The following CTNNA2 variants were observed in gnomAD, a reference collection of about 807,000 sequenced individuals.
CTNNA2 encodes catenin alpha 2.
Under a neutral mutation model 101.0 loss-of-function variants are expected in CTNNA2, and 42 were observed. That is an observed-to-expected ratio of 0.42 (90% CI 0.32 to 0.54). The LOEUF (loss-of-function observed/expected upper bound fraction) is 0.54, where lower values mean the gene tolerates loss of function less well. Among genes scored for constraint, CTNNA2 ranks in the 20% least tolerant of loss-of-function variants. The pLI, the probability that CTNNA2 is intolerant of heterozygous loss-of-function variation, is 0.14. For missense variants in CTNNA2, 871 were observed against 1,223.1 expected, an observed-to-expected ratio of 0.71 and a Z score of 4.29; for synonymous variants, 450 against 456.4, an observed-to-expected ratio of 0.99 and a Z score of 0.18.
chr2:80,098,858 C>T (rs1004969263), intron 7 of CTNNA2, among the ~76,000 whole-genome samples: 20 of 152,154 alleles, frequency 1.3e-4, no homozygotes, highest in Non-Finnish European at 2.1e-4. Flanking sequence ...GTTGGAAAAG[C>T]GCAGTATTCG....
intron 4 of CTNNA2, among the ~76,000 whole-genome samples, chr2:79,410,745 ATTGGTCTAAAATTCTCTTTT>A (rs1678400329): frequency 6.7e-6 from 1 of 149,162 alleles, no homozygotes. Flanking sequence ...CATCAAGGAT[ATTGGTCTAAAATTCTCTTTT>A]TTGGTTGTGT....
chr2:80,057,343 A>G (rs560615802), intron 7 of CTNNA2, among the ~76,000 whole-genome samples: 1 of 152,342 alleles, frequency 6.6e-6, no homozygotes, highest in South Asian at 2.1e-4. Flanking sequence ...TAAGAATAGC[A>G]TATAATTTGT....
At chr2:79,359,644 C>T (rs1247034092) in intron 3 of CTNNA2, among the ~76,000 whole-genome samples, 2 of 152,156 alleles carry the variant, frequency 1.3e-5, no homozygotes, top group Non-Finnish European at 1.5e-5. Flanking sequence ...GGAGCAGCTG[C>T]GTAGAGCTAG....
At chr2:79,416,257 C>CTTTTTTTTTTTTTTTTTTTTTTTTTTTTT (rs66830925) in intron 4 of CTNNA2, among the ~76,000 whole-genome samples, 1 of 94,656 alleles carries the variant, frequency 1.1e-5, no homozygotes. Flanking sequence ...CTTTCCTTTT[C>CTTTTTTTTTTTTTTTTTTTTTTTTTTTTT]TTTTTTTTTT....
intron 7 of CTNNA2, among the ~76,000 whole-genome samples, chr2:80,334,432 T>C (rs931102329): frequency 2.6e-5 from 4 of 152,252 alleles, no homozygotes; most frequent in Admixed American, 1.3e-4. Flanking sequence ...GTGGCCATCT[T>C]ACAGTTTCTG....
intron 7 of CTNNA2, among the ~76,000 whole-genome samples, chr2:80,306,174 C>A (rs1387521637): frequency 6.6e-6 from 1 of 152,126 alleles, no homozygotes; most frequent in Non-Finnish European, 1.5e-5. Flanking sequence ...CCTGGTCATT[C>A]ATCTCTGAGA....
chr2:79,719,963 T>C (rs946829250), intron 2 of CTNNA2, among the ~76,000 whole-genome samples: 10 of 152,214 alleles, frequency 6.6e-5, no homozygotes, highest in Non-Finnish European at 1.5e-4. Context: ...AAAAATTCTT[T>C]GCCAAGGCCA....
chr2:79,482,963 G>C (rs1194519941), intron 4 of CTNNA2, among the ~76,000 whole-genome samples: 1 of 152,168 alleles, frequency 6.6e-6, no homozygotes, highest in Non-Finnish European at 1.5e-5. Context: ...TTACAACATA[G>C]AATCATCCAG....
intron 3 of CTNNA2, among the ~76,000 whole-genome samples, chr2:79,831,086 C>T (rs1049372276): frequency 6.6e-6 from 1 of 151,972 alleles, no homozygotes; most frequent in South Asian, 2.1e-4. Flanking sequence ...AAATTACTGT[C>T]ATTTTGATCA....
At chr2:80,240,173 T>C (rs556064977) in intron 7 of CTNNA2, among the ~76,000 whole-genome samples, 38 of 152,116 alleles carry the variant, frequency 2.5e-4, no homozygotes, top group Non-Finnish European at 2.2e-4. Context: ...TTCTGGTTCA[T>C]CCCAATGGAA....
At chr2:80,436,482 C>CA (rs1004636234) in intron 9 of CTNNA2, among the ~76,000 whole-genome samples, 16 of 152,112 alleles carry the variant, frequency 1.1e-4, no homozygotes, top group African/African-American at 3.9e-4. Flanking sequence ...TTTGGGGAAG[C>CA]ATGGGTTCAA....
intron 3 of CTNNA2, among the ~76,000 whole-genome samples, chr2:79,318,604 C>A (rs533417178): frequency 4.6e-5 from 7 of 152,172 alleles, no homozygotes; most frequent in Admixed American, 3.9e-4. Context: ...TACCCTATAT[C>A]CTACAGGAAA....
In CTNNA2 at chr2:80,442,968, A is replaced by G. The variant is rs377287120; in HGVS notation, c.1290+23367A>G. Among the ~76,000 whole-genome samples, 15 of 152,298 alleles carry G rather than the reference A, an allele frequency of 9.8e-5. No individual in the cohort carries two copies. In the East Asian group the frequency reaches 1.2e-3, roughly 12 times the overall value. On this transcript the variant is annotated intron_variant, in intron 9 of 18. Coordinates refer to ENST00000402739, the MANE Select transcript of CTNNA2 (RefSeq NM_001282597.3). The stretch of plus-strand genomic sequence containing the variant: ...TCCTAAATACCCACCAGAGTCTAGC[A>G]GTGAGAGGGGCCTGCAATAAGGAAC...
intron 2 of CTNNA2, among the ~76,000 whole-genome samples, chr2:79,735,743 C>G (rs761019018): frequency 1.3e-5 from 2 of 152,122 alleles, no homozygotes; most frequent in Non-Finnish European, 2.9e-5. Flanking sequence ...ATAATTAAAT[C>G]ATAAAACCAT....
chr2:79,195,833 A>G (rs768587182), intron 1 of CTNNA2: 3 of 514,990 alleles, frequency 5.8e-6, no homozygotes, highest in Admixed American at 3.9e-5. Flanking sequence ...ATCAATACAT[A>G]TCACTCAATG....
At chr2:79,475,029 G>A (rs868315872) in intron 4 of CTNNA2, among the ~76,000 whole-genome samples, 16 of 152,262 alleles carry the variant, frequency 1.1e-4, no homozygotes, top group Middle Eastern at 3.4e-3. Flanking sequence ...TTTCCAATGA[G>A]TATAAAAATG....
intron 3 of CTNNA2, among the ~76,000 whole-genome samples, chr2:79,779,417 G>T (rs1290213404): frequency 6.6e-6 from 1 of 152,188 alleles, no homozygotes; most frequent in Non-Finnish European, 1.5e-5. Context: ...GGAGGGTGCG[G>T]ATGGCCTGAG....
chr2:79,787,035 T>G (rs921529390), intron 3 of CTNNA2, among the ~76,000 whole-genome samples: 3 of 152,136 alleles, frequency 2.0e-5, no homozygotes, highest in African/African-American at 4.8e-5. Context: ...CACTCATTCC[T>G]GCCTCTGTGT....
intron 7 of CTNNA2, among the ~76,000 whole-genome samples, chr2:80,262,337 T>G (rs1216205030): frequency 1.3e-5 from 2 of 152,340 alleles, no homozygotes; most frequent in Admixed American, 6.5e-5. Flanking sequence ...TTCTATAGAT[T>G]ATCCTCTAAC....
Sources: allele counts gnomAD v4.1 joint callset (sites outside exome capture counted in the v4.1 genomes callset), GRCh38; gene constraint gnomAD v4.1.1; transcripts MANE v1.5; gene names NCBI Gene and HGNC (gene_info 2026-07-23, HGNC 2026-07-21).